DOCK8: variants seen among roughly 807,000 people sequenced by gnomAD.
DOCK8 encodes dedicator of cytokinesis protein 8.
In DOCK8, 141 loss-of-function variants were observed where a neutral mutation model predicts 245.6. That is an observed-to-expected ratio of 0.57 (90% CI 0.50 to 0.66). The LOEUF is 0.66. Ranked by LOEUF, DOCK8 falls within the 30% of genes least tolerant of loss-of-function variation. The pLI is 0.00. For missense variants in DOCK8, 2,965 were observed against 2,603.4 expected, an observed-to-expected ratio of 1.14 and a Z score of -3.02; for synonymous variants, 1,168 against 970.2, an observed-to-expected ratio of 1.20 and a Z score of -3.79.
At position 339,115 on chromosome 9, in the gene DOCK8, C is replaced by T. The variant is rs141986056; in HGVS notation, c.1516+16C>T. 2 of 1,606,482 alleles carry T rather than the reference C, an allele frequency of 1.2e-6. No homozygotes were observed. The highest frequency in any genetic ancestry group is 2.2e-5 in the South Asian group (2 of 90,926). On this transcript the variant is annotated intron_variant, in intron 13 of 47. Coordinates refer to ENST00000432829, the MANE Select transcript of DOCK8 (RefSeq NM_203447.4). ...TCAATTCCAGGTGTGAATGACTTAT[C>T]TTTATCCTCTTTAGCTGTGCCAAAA...
intron 1 of DOCK8, among the ~76,000 whole-genome samples, chr9:258,799 CGT>C (rs1280553812): frequency 6.6e-6 from 1 of 151,618 alleles, no homozygotes; most frequent in Non-Finnish European, 1.5e-5. Flanking sequence ...GGTTTCACCA[CGT>C]TGGCCAGGCT....
chr9:236,327 T>G (rs910623761), intron 1 of DOCK8, among the ~76,000 whole-genome samples: 18 of 152,230 alleles, frequency 1.2e-4, no homozygotes, highest in Non-Finnish European at 2.4e-4. Flanking sequence ...CAGAATTACA[T>G]TTGTTTATGT....
chr9:440,254 A>C (rs950309558), intron 40 of DOCK8, among the ~76,000 whole-genome samples: 2 of 152,178 alleles, frequency 1.3e-5, no homozygotes, highest in African/African-American at 4.8e-5. Flanking sequence ...TCCTGGCCTC[A>C]AGTGATCTGC....
intron 14 of DOCK8, among the ~76,000 whole-genome samples, chr9:361,339 A>G (rs1430199263): frequency 6.6e-6 from 1 of 152,224 alleles, no homozygotes; most frequent in African/African-American, 2.4e-5. Flanking sequence ...TTCCCAGGTA[A>G]CATATAATAT....
At chr9:382,488 C>T (rs1384612640) in intron 21 of DOCK8, 25 bp from the exon 22 acceptor site, 1 of 1,613,126 alleles carries the variant, frequency 6.2e-7, no homozygotes, top group Non-Finnish European at 8.5e-7. Flanking sequence ...TGTCTGTTGA[C>T]ATGTCTCTGC....
At chr9:452,379 C>T (rs1326549648) in intron 46 of DOCK8, 2 of 247,832 alleles carry the variant, frequency 8.1e-6, no homozygotes, top group East Asian at 1.5e-4. Context: ...GAGTAACTAA[C>T]ACGTCAACTA....
At chr9:450,779 T>C (rs536930515) in intron 45 of DOCK8, among the ~76,000 whole-genome samples, 21 of 149,966 alleles carry the variant, frequency 1.4e-4, no homozygotes, top group East Asian at 9.7e-4. Context: ...TTTGATAAAA[T>C]GGAAGACTTT....
intron 14 of DOCK8, chr9:365,639 C>T: frequency 2.2e-6 from 1 of 454,682 alleles, no homozygotes. Context: ...CACCACAGCC[C>T]TTTGAGGTCG....
rs535994036 is a variant in DOCK8 at position 328,087 on chromosome 9, G to T, written c.960G>T (p.Thr320=). Residue 320 remains threonine (T), a synonymous_variant, in exon 9 of 48, where the codon ACG becomes ACT. Transcript: ENST00000432829. ...TCAAAGGATTTCTGCGAGCTCACAC[G>T]CCTTCAGTGGCCGCATCAAGTCAGG... ...DQFKGFLRAH[T]PSVAASSQAR... 6.2e-7 allele frequency: 1 copy of T among 1,614,122 alleles called. No individual in the cohort carries two copies. Among genetic ancestry groups the T allele is most frequent in the Non-Finnish European group, 8.5e-7 (1 of 1,180,002 alleles).
intron 6 of DOCK8, among the ~76,000 whole-genome samples, chr9:315,705 T>G (rs1001641507): frequency 1.3e-5 from 2 of 152,208 alleles, no homozygotes; most frequent in Non-Finnish European, 2.9e-5. Context: ...TGCCCCTGAA[T>G]TGAACTTGTT....
At chr9:373,024 G>T (rs536652695) in intron 18 of DOCK8, among the ~76,000 whole-genome samples, 2 of 152,076 alleles carry the variant, frequency 1.3e-5, no homozygotes, top group East Asian at 3.9e-4. Flanking sequence ...AAAATTAGCC[G>T]GGCGTGGTGG....
intron 5 of DOCK8, among the ~76,000 whole-genome samples, chr9:311,210 G>A (rs1209317838): frequency 3.3e-5 from 5 of 151,792 alleles, no homozygotes; most frequent in African/African-American, 4.8e-5. Flanking sequence ...GCTTGAACCT[G>A]GGAGGCGGAG....
chr9:417,249 C>T (rs943004487), intron 29 of DOCK8, among the ~76,000 whole-genome samples: 2 of 152,144 alleles, frequency 1.3e-5, no homozygotes, highest in Non-Finnish European at 2.9e-5. Flanking sequence ...CGCCACTGCA[C>T]TCCAGCCTGG....
At chr9:322,802 C>T (rs2050576616) in intron 7 of DOCK8, among the ~76,000 whole-genome samples, 1 of 152,108 alleles carries the variant, frequency 6.6e-6, no homozygotes, top group South Asian at 2.1e-4. Flanking sequence ...CCCAGGAAAG[C>T]CTCCAATTGG....
Position 372,344 on chromosome 9 carries a change from T to A in DOCK8, c.2109+58T>A, listed in dbSNP as rs1432402124. On this transcript the variant is annotated intron_variant, in intron 18 of 47. Transcript: ENST00000432829. ...GTCCAGCTGTAGTCTTGGACCACCT[T>A]CCCAGACTCACTTTCCATTCCCATG... 2.2e-6 allele frequency: 3 copies of A among 1,364,998 alleles called. No individual in the cohort carries two copies. In the Admixed American group the frequency reaches 5.0e-5, roughly 23 times the overall value. 84.6% of individuals were successfully genotyped at this position (1,364,998 alleles called of 1,614,324 possible). A position where few individuals can be genotyped will look rare whatever the true frequency, so the allele number is the denominator to read the frequency against.
At chr9:338,879 T>C (rs1228446060) in intron 12 of DOCK8, 127 bp from the exon 13 acceptor site, 1 of 767,788 alleles carries the variant, frequency 1.3e-6, no homozygotes, top group East Asian at 2.7e-5. Context: ...GAGCTGTCTA[T>C]AATCCTAATT....
chr9:337,826 G>C (rs1195484952), intron 12 of DOCK8, among the ~76,000 whole-genome samples: 2 of 152,174 alleles, frequency 1.3e-5, no homozygotes, highest in East Asian at 1.9e-4. Flanking sequence ...ACAACAAAGA[G>C]AATGTGCTTA....
chr9:416,448 C>G (rs534658919), intron 29 of DOCK8, among the ~76,000 whole-genome samples: 100 of 152,316 alleles, frequency 6.6e-4, no homozygotes, highest in South Asian at 1.7e-3. Context: ...GACTCGGAAT[C>G]AGAACTTTTC....
At chr9:230,587 G>T (rs561067164) in intron 1 of DOCK8, among the ~76,000 whole-genome samples, 6 of 151,970 alleles carry the variant, frequency 3.9e-5, no homozygotes, top group Non-Finnish European at 7.4e-5. Context: ...TTTAATGATC[G>T]CCATTCTAAC....
Sources: allele counts gnomAD v4.1 joint callset (sites outside exome capture counted in the v4.1 genomes callset), GRCh38; gene constraint gnomAD v4.1.1; transcripts MANE v1.5; gene names NCBI Gene and HGNC (gene_info 2026-07-23, HGNC 2026-07-21).